GREB1: variants seen among roughly 807,000 people sequenced by gnomAD.
GREB1 encodes growth regulating estrogen receptor binding 1.
A neutral mutation model predicts 200.7 loss-of-function variants in GREB1; 106 were observed. The observed-to-expected ratio is 0.53, with a 90% confidence interval of 0.45 to 0.62. GREB1 has a LOEUF of 0.62. GREB1 is among the 20% of genes least tolerant of loss of function. The pLI, the probability that GREB1 is intolerant of heterozygous loss-of-function variation, is 0.00. For missense variants in GREB1, 2,243 were observed against 2,556.8 expected (o/e 0.88, Z 2.65); for synonymous variants, 1,132 against 1,092.4 (o/e 1.04, Z -0.72).
chr2:11,570,787 G>T (rs1278919445), intron 4 of GREB1, among the ~76,000 whole-genome samples: 3 of 152,154 alleles, frequency 2.0e-5, no homozygotes. Context: ...TGAGGCAGAA[G>T]AACTAGTTAT....
chr2:11,539,443 G>C (rs1674560218), intron 1 of GREB1, among the ~76,000 whole-genome samples: 1 of 152,168 alleles, frequency 6.6e-6, no homozygotes, highest in Non-Finnish European at 1.5e-5. Flanking sequence ...AGAGTTGTTT[G>C]AAGGGGCACG....
intron 30 of GREB1, among the ~76,000 whole-genome samples, chr2:11,636,817 G>C (rs1685373889): frequency 8.6e-6 from 1 of 116,616 alleles, no homozygotes; most frequent in Admixed American, 8.2e-5. Flanking sequence ...CAGGGACAGA[G>C]GCAGGGGCAG....
At chr2:11,587,346 A>G (rs756610599) in intron 9 of GREB1, 20 of 1,468,684 alleles carry the variant, frequency 1.4e-5, no homozygotes, top group Admixed American at 5.0e-5. Context: ...ACTTGCCTTT[A>G]TAGCAACTCT....
chr2:11,502,157 T>A (rs1345991898), intron 1 of GREB1, among the ~76,000 whole-genome samples: 3 of 151,374 alleles, frequency 2.0e-5, no homozygotes, highest in African/African-American at 7.3e-5. Flanking sequence ...CCTCAGGTGA[T>A]CCTCCTGCCT....
At chr2:11,483,896 T>C (rs1267474802) in intron 1 of GREB1, among the ~76,000 whole-genome samples, 1 of 152,178 alleles carries the variant, frequency 6.6e-6, no homozygotes, top group Non-Finnish European at 1.5e-5. Context: ...TTAATAAACT[T>C]TTATTAGAGA....
At chr2:11,581,884 T>G (rs1344103731) in intron 7 of GREB1, among the ~76,000 whole-genome samples, 3 of 152,204 alleles carry the variant, frequency 2.0e-5, no homozygotes, top group African/African-American at 7.2e-5. Context: ...TGTCTAACTC[T>G]TCACTGAAGG....
intron 4 of GREB1, 125 bp downstream of exon 4, chr2:11,566,781 G>C: frequency 2.6e-6 from 2 of 783,590 alleles, no homozygotes; most frequent in South Asian, 4.2e-5. Flanking sequence ...GCAGCATGCA[G>C]CCCTGTTTCT....
intron 1 of GREB1, among the ~76,000 whole-genome samples, chr2:11,511,338 C>T (rs1001509523): frequency 1.3e-5 from 2 of 152,084 alleles, no homozygotes; most frequent in Non-Finnish European, 2.9e-5. Flanking sequence ...CCCCAGATTG[C>T]GTAGCCAGGA....
At chr2:11,553,762 T>C (rs147016618) in intron 1 of GREB1, among the ~76,000 whole-genome samples, 1,899 of 152,294 alleles carry the variant, frequency 0.012, 20 homozygotes, top group Middle Eastern at 0.031. Context: ...TATTGCCCCG[T>C]CTACATCAGG....
At chr2:11,630,209 C>G (rs1465067684) in intron 26 of GREB1, 100 bp downstream of exon 26, 2 of 1,147,018 alleles carry the variant, frequency 1.7e-6, no homozygotes, top group Non-Finnish European at 2.5e-6. Flanking sequence ...GTGCAGACAC[C>G]GATACAGGGA....
intron 17 of GREB1, among the ~76,000 whole-genome samples, chr2:11,608,376 T>C (rs1682601987): frequency 6.6e-6 from 1 of 152,204 alleles, no homozygotes; most frequent in Non-Finnish European, 1.5e-5. Context: ...TAGGTCAGTT[T>C]CTACTGATCA....
At position 11,571,041 on chromosome 2, in the gene GREB1, A is replaced by G. The variant is rs190392762; in HGVS notation, c.454+4385A>G. 8.4e-3 allele frequency among the ~76,000 whole-genome samples: 1,267 copies of G among 151,678 alleles called. 59 individuals are homozygous for G. The highest frequency in any genetic ancestry group is 0.077 in the Admixed American group (1,165 of 15,220). On this transcript the variant is annotated intron_variant, in intron 4 of 32. Transcript: ENST00000381486. ...AAATACCAAGGCAGGGGCTCTGGAT[A>G]TATATATATATAAAACGTTGTTTTC... is the stretch of plus-strand genomic sequence containing the variant.
chr2:11,537,028 T>C (rs1344433214), intron 1 of GREB1, among the ~76,000 whole-genome samples: 1 of 152,178 alleles, frequency 6.6e-6, no homozygotes. Flanking sequence ...AGTGTTGGAA[T>C]TGTGGCTCAT....
intron 11 of GREB1, among the ~76,000 whole-genome samples, chr2:11,594,098 G>A (rs911098229): frequency 2.0e-5 from 3 of 152,062 alleles, no homozygotes; most frequent in African/African-American, 7.2e-5. Flanking sequence ...CGAGCTCCCG[G>A]GCTCAAGTGA....
rs566404574 is a variant in GREB1, at chr2:11,517,063, T to C, written c.-159+34682T>C. ...TCCAGTGGCTGTCTTTGCCGCTGTG[T>C]CTGGAAGGTTCCCTGGTGTGAGCAG... is the stretch of plus-strand genomic sequence containing the variant. On this transcript the variant is annotated intron_variant, in intron 1 of 2. Coordinates refer to the GREB1 transcript ENST00000628795. Among the ~76,000 whole-genome samples, 9 of 152,344 alleles carry C rather than the reference T, an allele frequency of 5.9e-5. No individual in the cohort carries two copies. The South Asian group carries it at 1.4e-3, about 25-fold the overall frequency.
At position 11,615,180 on chromosome 2, in the gene GREB1, T is replaced by G. The variant is rs374393824; in HGVS notation, c.3212T>G (p.Phe1071Cys). ...LEQELGLAAY[F>C]VSNEVPLEKG... The stretch of plus-strand genomic sequence containing the variant: ...CAGGAGCTGGGCCTGGCTGCCTACT[T>G]TGTGAGCAACGAGGTTCCCTTGGAG... The change falls in exon 20 of 33, where the codon TTT (phenylalanine) becomes TGT (cysteine). Residue 1071 changes from phenylalanine (F) to cysteine (C), a missense_variant. Around this residue, in one of 3 missense-constraint regions of GREB1, gnomAD observed 1,178 missense variants for 1,387.4 expected, o/e 0.85. Transcript: ENST00000381486. 1 of 1,613,992 alleles carries G rather than the reference T, an allele frequency of 6.2e-7. No homozygotes were observed. The highest frequency in any genetic ancestry group is 1.3e-5 in the African/African-American group (1 of 74,898).
At chr2:11,485,437 C>G (rs1438415363) in intron 1 of GREB1, among the ~76,000 whole-genome samples, 1 of 151,892 alleles carries the variant, frequency 6.6e-6, no homozygotes, top group African/African-American at 2.4e-5. Context: ...CCATGCCCAG[C>G]TAATTTTTGT....
At chr2:11,613,378 A>G (rs962627414) in intron 19 of GREB1, among the ~76,000 whole-genome samples, 7 of 152,146 alleles carry the variant, frequency 4.6e-5, no homozygotes, top group African/African-American at 1.4e-4. Context: ...AATTCCTGTT[A>G]TGTTCTGGGA....
At chr2:11,627,385 A>G (rs746564317) in intron 25 of GREB1, among the ~76,000 whole-genome samples, 90 of 152,218 alleles carry the variant, frequency 5.9e-4, no homozygotes, top group Admixed American at 3.4e-3. Flanking sequence ...AGTTAGTCCA[A>G]TGCAACAGAT....
Sources: gnomAD v4.1 joint callset for allele counts (sites outside exome capture counted in the v4.1 genomes callset) on GRCh38, gnomAD v4.1.1 for gene constraint, gnomAD v4.1.1 regional missense constraint, MANE v1.5 for transcripts, NCBI Gene and HGNC (gene_info 2026-07-23, HGNC 2026-07-21) for gene names.